CNTN4: variants seen among roughly 807,000 people sequenced by gnomAD.
CNTN4 encodes contactin-4.
A neutral mutation model predicts 122.5 loss-of-function variants in CNTN4; 77 were observed. The observed-to-expected ratio is 0.63, with a 90% CI of 0.52 to 0.76. The LOEUF (loss-of-function observed/expected upper bound fraction) is 0.76. CNTN4 is among the 30% of genes least tolerant of loss of function. CNTN4 has a pLI of 0.00. For synonymous variants in CNTN4, 512 were observed against 447.0 expected (o/e 1.15, Z -1.83); for missense variants, 1,256 against 1,259.1 (o/e 1.00, Z 0.04).
chr3:2,142,808 C>T (rs553820313), intron 2 of CNTN4, among the ~76,000 whole-genome samples: 23 of 152,282 alleles, frequency 1.5e-4, no homozygotes, highest in African/African-American at 4.1e-4. Flanking sequence ...ATAGAAACTA[C>T]GGCTGCTTTC....
intron 7 of CNTN4, among the ~76,000 whole-genome samples, chr3:2,834,087 A>G (rs1393427741): frequency 6.6e-6 from 1 of 152,050 alleles, no homozygotes; most frequent in Non-Finnish European, 1.5e-5. Context: ...CAGAGGTTGC[A>G]GTAAGCCGAG....
chr3:2,191,851 GT>G (rs777484181), intron 2 of CNTN4, among the ~76,000 whole-genome samples: 1 of 151,930 alleles, frequency 6.6e-6, no homozygotes, highest in Non-Finnish European at 1.5e-5. Context: ...TTTACATTAG[GT>G]ATATCTCCTA....
At chr3:2,408,413 A>C (rs1035952736) in intron 3 of CNTN4, among the ~76,000 whole-genome samples, 1 of 152,220 alleles carries the variant, frequency 6.6e-6, no homozygotes, top group Non-Finnish European at 1.5e-5. Flanking sequence ...CTTGAGGAAA[A>C]AAGTGGTAAG....
At chr3:2,933,774 G>A (rs1446378587) in intron 13 of CNTN4, among the ~76,000 whole-genome samples, 3 of 152,180 alleles carry the variant, frequency 2.0e-5, no homozygotes, top group Non-Finnish European at 2.9e-5. Context: ...GAAACTGGAA[G>A]TATAGATCTG....
intron 1 of CNTN4, among the ~76,000 whole-genome samples, chr3:2,099,987 G>A (rs1574817924): frequency 6.6e-6 from 1 of 152,206 alleles, no homozygotes; most frequent in African/African-American, 2.4e-5. Flanking sequence ...GAAACATTTC[G>A]CAGCGAAGCT....
intron 2 of CNTN4, among the ~76,000 whole-genome samples, chr3:2,258,739 A>T (rs1017975263): frequency 6.6e-6 from 1 of 152,090 alleles, no homozygotes; most frequent in Admixed American, 6.6e-5. Context: ...GATACTTTGA[A>T]CTGGCATCTC....
intron 4 of CNTN4, among the ~76,000 whole-genome samples, chr3:2,586,025 A>G (rs532276945): frequency 2.5e-4 from 38 of 152,266 alleles, no homozygotes; most frequent in African/African-American, 6.5e-4. Context: ...TCTCTGTTAA[A>G]TGCTTCAAAT....
chr3:2,173,597 A>G (rs542602458), intron 2 of CNTN4, among the ~76,000 whole-genome samples: 1 of 152,190 alleles, frequency 6.6e-6, no homozygotes, highest in Non-Finnish European at 1.5e-5. Context: ...ATCAGTGTGA[A>G]GTAAAGTTGA....
chr3:2,175,271 A>AT (rs11441226), intron 2 of CNTN4, among the ~76,000 whole-genome samples: 43,466 of 149,882 alleles, frequency 0.29, 7,868 homozygotes, highest in Non-Finnish European at 0.42. Flanking sequence ...GTGACCTTGG[A>AT]TTTTTTTTTT....
chr3:2,299,505 C>T (rs1334771099), intron 2 of CNTN4, among the ~76,000 whole-genome samples: 1 of 152,046 alleles, frequency 6.6e-6, no homozygotes, highest in East Asian at 1.9e-4. Context: ...TCCATTATAT[C>T]ACACTGTCTG....
intron 2 of CNTN4, among the ~76,000 whole-genome samples, chr3:2,246,689 A>G (rs1295830950): frequency 6.6e-6 from 1 of 152,092 alleles, no homozygotes; most frequent in East Asian, 1.9e-4. Flanking sequence ...ATAATTACCC[A>G]CAAAGGGCTT....
At chr3:2,481,337 C>T (rs1339079540) in intron 3 of CNTN4, among the ~76,000 whole-genome samples, 1 of 151,968 alleles carries the variant, frequency 6.6e-6, no homozygotes, top group Non-Finnish European at 1.5e-5. Flanking sequence ...GATGTGGTTT[C>T]ACCATGTTTG....
chr3:2,470,038 C>G, intron 3 of CNTN4, among the ~76,000 whole-genome samples: 1 of 151,754 alleles, frequency 6.6e-6, no homozygotes. Context: ...GGTTCTATAA[C>G]ATTTCTTTGA....
chr3:2,529,214 C>T (rs1383609669), intron 3 of CNTN4, among the ~76,000 whole-genome samples: 1 of 152,130 alleles, frequency 6.6e-6, no homozygotes, highest in Non-Finnish European at 1.5e-5. Flanking sequence ...ATTTATCATT[C>T]TGTGCCTGGC....
chr3:2,414,321 T>A (rs1464510772), intron 3 of CNTN4, among the ~76,000 whole-genome samples: 1 of 152,228 alleles, frequency 6.6e-6, no homozygotes, highest in Non-Finnish European at 1.5e-5. Flanking sequence ...GCATATTGCG[T>A]GCGCTTAGTA....
intron 2 of CNTN4, among the ~76,000 whole-genome samples, chr3:2,187,246 G>T (rs988841583): frequency 6.6e-6 from 1 of 152,070 alleles, no homozygotes; most frequent in Non-Finnish European, 1.5e-5. Flanking sequence ...GTAGATGTGT[G>T]GTATTATTTC....
chr3:2,560,897 A>G (rs765015070), intron 3 of CNTN4, among the ~76,000 whole-genome samples: 20 of 152,158 alleles, frequency 1.3e-4, no homozygotes, highest in Non-Finnish European at 2.1e-4. Flanking sequence ...TTAACACCCT[A>G]CTTTGGTATA....
At chr3:2,361,610 A>G (rs1436253668) in intron 3 of CNTN4, among the ~76,000 whole-genome samples, 1 of 152,242 alleles carries the variant, frequency 6.6e-6, no homozygotes, top group African/African-American at 2.4e-5. Context: ...TGTTTATCCA[A>G]CTGTATTGGA....
intron 4 of CNTN4, among the ~76,000 whole-genome samples, chr3:2,575,920 C>A (rs2079650074): frequency 6.7e-6 from 1 of 149,000 alleles, no homozygotes; most frequent in Admixed American, 6.8e-5. Flanking sequence ...CTATCGGGTC[C>A]ACACCATTCT....
Sources: allele counts gnomAD v4.1 joint callset (sites outside exome capture counted in the v4.1 genomes callset), GRCh38; gene constraint gnomAD v4.1.1; transcripts MANE v1.5; gene names NCBI Gene and HGNC (gene_info 2026-07-23, HGNC 2026-07-21).